NHSL2: variants seen among roughly 807,000 people sequenced by gnomAD.
NHSL2 encodes NHS-like protein 2.
Under a neutral mutation model 53.4 loss-of-function variants are expected in NHSL2, and 27 were observed. That is an observed-to-expected ratio of 0.51 (90% confidence interval 0.37 to 0.70). NHSL2 has a LOEUF of 0.70. NHSL2 is among the 30% of genes least tolerant of loss of function. NHSL2 has a pLI of 0.00. For missense variants in NHSL2, 892 were observed against 980.1 expected (o/e 0.91, Z 1.20); for synonymous variants, 408 against 404.1 (o/e 1.01, Z -0.12).
At chrX:71,995,445 C>G (rs1309172805) in intron 1 of NHSL2, among the ~76,000 whole-genome samples, 1 of 112,194 alleles carries the variant, frequency 8.9e-6, no homozygotes, top group Non-Finnish European at 1.9e-5. Context: ...ATCTGACCCC[C>G]TGACCTGTAG....
intron 1 of NHSL2, among the ~76,000 whole-genome samples, chrX:72,034,971 C>A (rs1047336129): frequency 5.4e-5 from 6 of 111,637 alleles, no homozygotes; most frequent in South Asian, 3.7e-4. Flanking sequence ...TCTTTCTCTT[C>A]TTATTATTAT....
chrX:71,947,307 G>A (rs898792838), intron 1 of NHSL2, among the ~76,000 whole-genome samples: 1 of 111,958 alleles, frequency 8.9e-6, no homozygotes, highest in African/African-American at 3.3e-5. Flanking sequence ...TCCTAGAAAC[G>A]TCCTTGGGCC....
At chrX:72,047,735 T>C (rs898050633) in intron 1 of NHSL2, among the ~76,000 whole-genome samples, 3 of 111,760 alleles carry the variant, frequency 2.7e-5, no homozygotes, top group South Asian at 3.8e-4. Flanking sequence ...CATGCTATGG[T>C]ACAGCATTGT....
At chrX:72,083,653 C>T (rs1381677122) in intron 1 of NHSL2, among the ~76,000 whole-genome samples, 1 of 111,815 alleles carries the variant, frequency 8.9e-6, no homozygotes, top group Non-Finnish European at 1.9e-5. Flanking sequence ...GTTATGGTTT[C>T]CATATAGAAT....
intron 1 of NHSL2, among the ~76,000 whole-genome samples, chrX:72,023,994 G>A (rs2042172789): frequency 9.0e-6 from 1 of 111,279 alleles, no homozygotes; most frequent in African/African-American, 3.3e-5. Context: ...AGATTTGACT[G>A]TGCCCTAGGA....
At chrX:72,070,678 G>C (rs1389368450) in intron 1 of NHSL2, among the ~76,000 whole-genome samples, 1 of 108,402 alleles carries the variant, frequency 9.2e-6, no homozygotes, top group African/African-American at 3.4e-5. Flanking sequence ...CTTTCTCTCT[G>C]TGCCCTCCTC....
chrX:72,009,648 A>G (rs769888067), intron 1 of NHSL2, among the ~76,000 whole-genome samples: 1 of 112,333 alleles, frequency 8.9e-6, no homozygotes, highest in Admixed American at 9.4e-5. Flanking sequence ...AACACCTCAT[A>G]TCCTCCATCC....
chrX:72,123,480 A>G (rs1245848014), intron 1 of NHSL2, among the ~76,000 whole-genome samples: 2 of 111,273 alleles, frequency 1.8e-5, no homozygotes, highest in Non-Finnish European at 3.8e-5. Flanking sequence ...TAGAACAGGT[A>G]GAGACTAGAG....
chrX:72,075,878 T>C (rs1751180743), intron 1 of NHSL2, among the ~76,000 whole-genome samples: 2 of 101,247 alleles, frequency 2.0e-5, no homozygotes, highest in Non-Finnish European at 4.0e-5. Context: ...GAGAGGGATG[T>C]GGAGGGGGTC....
At chrX:72,059,363 C>G (rs2042387419) in intron 1 of NHSL2, among the ~76,000 whole-genome samples, 1 of 111,320 alleles carries the variant, frequency 9.0e-6, no homozygotes, top group African/African-American at 3.3e-5. Flanking sequence ...CACTCCCTTG[C>G]CCAAAGCTTC....
chrX:71,932,621 T>C (rs1033849098), intron 1 of NHSL2, among the ~76,000 whole-genome samples: 1 of 111,269 alleles, frequency 9.0e-6, no homozygotes, highest in Non-Finnish European at 1.9e-5. Flanking sequence ...TGGAGGAGGT[T>C]TCAGAGTCAG....
intron 1 of NHSL2, among the ~76,000 whole-genome samples, chrX:72,037,327 G>A (rs1027994171): frequency 9.0e-6 from 1 of 111,012 alleles, no homozygotes; most frequent in Non-Finnish European, 1.9e-5. Context: ...GGAGGCTGAG[G>A]CAGGAGAATG....
At chrX:72,053,893 A>G (rs1247564896) in intron 1 of NHSL2, among the ~76,000 whole-genome samples, 3 of 112,131 alleles carry the variant, frequency 2.7e-5, no homozygotes, top group Middle Eastern at 4.6e-3. Context: ...ACAGCAACAC[A>G]GAATAAGTCT....
intron 1 of NHSL2, among the ~76,000 whole-genome samples, chrX:71,949,271 T>C (rs1402579550): frequency 9.0e-6 from 1 of 110,967 alleles, no homozygotes; most frequent in African/African-American, 3.3e-5. Context: ...ATAGAGGGGC[T>C]GATAGAGAGG....
At position 72,148,774 on chromosome X, in the gene NHSL2, A is replaced by C. The variant is rs763966019; in HGVS notation, c.*5200A>C. 9.1e-6 allele frequency: 1 copy of C among 109,951 alleles called. No homozygotes were observed. The highest frequency in any genetic ancestry group is 3.3e-5 in the African/African-American group (1 of 30,154). 9.1% of individuals were successfully genotyped at this position (109,951 alleles called of 1,213,427 possible). A position where few individuals can be genotyped will look rare whatever the true frequency, so the allele number is the denominator to read the frequency against. ...CAAAATCTAGGCCAATGGTTCTCAA[A>C]GTGCAGTTCCAGGAGCAGCAACAGC... is the stretch of plus-strand genomic sequence containing the variant. On this transcript the variant is annotated 3_prime_UTR_variant, in exon 8 of 8. Coordinates refer to ENST00000633930, the MANE Select transcript of NHSL2 (RefSeq NM_001013627.3).
intron 1 of NHSL2, among the ~76,000 whole-genome samples, chrX:72,037,160 C>T (rs900915050): frequency 2.6e-4 from 29 of 112,497 alleles, no homozygotes; most frequent in African/African-American, 8.1e-4. Context: ...TGGCTCACGC[C>T]TGTAATCCCA....
intron 1 of NHSL2, among the ~76,000 whole-genome samples, chrX:72,050,911 AAAACC>A (rs1044110722): frequency 2.1e-4 from 23 of 110,144 alleles, no homozygotes; most frequent in African/African-American, 7.6e-4. Context: ...AAACAAAACA[AAAACC>A]AAACCAAACC....
At chrX:72,011,186 C>T (rs1447736386) in intron 1 of NHSL2, among the ~76,000 whole-genome samples, 14 of 111,764 alleles carry the variant, frequency 1.3e-4, no homozygotes, top group Admixed American at 9.5e-4. Context: ...TATCAAAGAC[C>T]GTTTATCCAT....
intron 1 of NHSL2, among the ~76,000 whole-genome samples, chrX:72,065,865 A>G (rs2042426057): frequency 8.9e-6 from 1 of 111,879 alleles, no homozygotes; most frequent in Non-Finnish European, 1.9e-5. Flanking sequence ...GATAAAGAAG[A>G]GAATGAGTAG....
Sources: allele counts gnomAD v4.1 joint callset (sites outside exome capture counted in the v4.1 genomes callset), GRCh38; gene constraint gnomAD v4.1.1; transcripts MANE v1.5; gene names NCBI Gene and HGNC (gene_info 2026-07-23, HGNC 2026-07-21).